Variants in FMN1 observed in about 807,000 individuals in gnomAD.
The protein encoded by FMN1 is formin-1.
FMN1 carries 110 observed loss-of-function variants against 132.4 expected under a neutral mutation model. That is an observed-to-expected ratio of 0.83 (90% CI 0.71 to 0.97). The LOEUF (loss-of-function observed/expected upper bound fraction) is 0.97, where lower values mean the gene tolerates loss of function less well. FMN1 is among the 50% of genes least tolerant of loss of function. FMN1 has a pLI of 0.00. For missense variants in FMN1, 1,792 were observed against 1,705.3 expected (o/e 1.05, Z -0.90); for synonymous variants, 722 against 651.7 (o/e 1.11, Z -1.64).
chr15:32,801,312 C>T (rs2057469020), intron 18 of FMN1, among the ~76,000 whole-genome samples: 1 of 149,648 alleles, frequency 6.7e-6, no homozygotes, highest in African/African-American at 2.4e-5. Flanking sequence ...GGGGGAGAAA[C>T]ACTAAAAAAA....
chr15:32,800,781 A>T (rs889201601), intron 18 of FMN1, among the ~76,000 whole-genome samples: 11 of 152,216 alleles, frequency 7.2e-5, no homozygotes, highest in Admixed American at 6.5e-4. Flanking sequence ...TCTGTTGCTC[A>T]TGCTCAATAA....
At chr15:32,993,184 C>G (rs2033547983) in intron 7 of FMN1, among the ~76,000 whole-genome samples, 1 of 152,120 alleles carries the variant, frequency 6.6e-6, no homozygotes, top group Non-Finnish European at 1.5e-5. Context: ...AATACACATT[C>G]ACTTCCTTGC....
chr15:32,984,866 T>G (rs2032953277), intron 7 of FMN1, among the ~76,000 whole-genome samples: 1 of 151,884 alleles, frequency 6.6e-6, no homozygotes, highest in Non-Finnish European at 1.5e-5. Flanking sequence ...GAAGTTTTGT[T>G]GACATTTTTT....
chr15:33,179,170 T>A (rs1350912775), intron 3 of FMN1, among the ~76,000 whole-genome samples: 1 of 151,992 alleles, frequency 6.6e-6, no homozygotes, highest in African/African-American at 2.4e-5. Context: ...GAGAAAAATA[T>A]GAAAAGTATA....
At chr15:33,054,384 T>C (rs759065277) in intron 6 of FMN1, among the ~76,000 whole-genome samples, 6 of 152,172 alleles carry the variant, frequency 3.9e-5, no homozygotes, top group Admixed American at 3.9e-4. Flanking sequence ...ATCTAAATAT[T>C]CTTATATTTA....
At chr15:33,033,062 G>A (rs1221270212) in intron 6 of FMN1, among the ~76,000 whole-genome samples, 4 of 152,000 alleles carry the variant, frequency 2.6e-5, no homozygotes, top group Non-Finnish European at 5.9e-5. Flanking sequence ...ATGGAGTCTC[G>A]CTCTGTCGCC....
In FMN1 at chr15:33,088,744, T is replaced by C. The variant is rs2038795055; in HGVS notation, c.2043+55A>G. The stretch of plus-strand genomic sequence containing the variant: ...CAATTTACATTAAATACATATTAAA[T>C]GAGCCTCTGTTGACCACAAAGAACC... On this transcript the variant is annotated intron_variant, in intron 5 of 20. Transcript: ENST00000616417. 2.9e-6 allele frequency: 4 copies of C among 1,397,756 alleles called. No individual in the cohort carries two copies. In the East Asian group the frequency reaches 1.0e-4, roughly 35 times the overall value. The allele number at this position is 1,397,756 out of a possible 1,614,324, so 86.6% of individuals were successfully genotyped here.
intron 17 of FMN1, among the ~76,000 whole-genome samples, chr15:32,849,665 TTTA>T (rs1427543814): frequency 6.8e-6 from 1 of 146,572 alleles, no homozygotes; most frequent in Non-Finnish European, 1.5e-5. Context: ...CTTTCTTTTC[TTTA>T]TTTTTTTTTT....
intron 6 of FMN1, among the ~76,000 whole-genome samples, chr15:33,035,015 CA>C (rs2036122875): frequency 6.6e-6 from 1 of 152,182 alleles, no homozygotes; most frequent in African/African-American, 2.4e-5. Context: ...TGACAGATGG[CA>C]AAACCTACGG....
chr15:33,132,688 C>A (rs1329515147), intron 4 of FMN1, among the ~76,000 whole-genome samples: 2 of 152,186 alleles, frequency 1.3e-5, no homozygotes, highest in East Asian at 3.9e-4. Context: ...AGACATAAAC[C>A]TAAAAGAACT....
chr15:33,097,316 A>G (rs78246213), intron 4 of FMN1, among the ~76,000 whole-genome samples: 87 of 147,314 alleles, frequency 5.9e-4, no homozygotes, highest in Admixed American at 3.0e-3. Context: ...AAAAAAAAAA[A>G]AGAGAGAGAG....
At chr15:32,997,979 C>G (rs1262090923) in intron 7 of FMN1, among the ~76,000 whole-genome samples, 1 of 152,184 alleles carries the variant, frequency 6.6e-6, no homozygotes, top group Non-Finnish European at 1.5e-5. Flanking sequence ...GTTACTCAGC[C>G]TCTTTATCCT....
chr15:32,924,541 C>T (rs1471824531), intron 10 of FMN1, among the ~76,000 whole-genome samples: 1 of 152,170 alleles, frequency 6.6e-6, no homozygotes, highest in Non-Finnish European at 1.5e-5. Context: ...CAGATGTTTC[C>T]ACTGTGAAAC....
rs557348499 is a variant in FMN1, at chr15:33,114,307, T to A, written c.1868-25333A>T. Among the ~76,000 whole-genome samples the A allele has an allele frequency of 6.6e-5, 10 of 152,338 alleles. No individual in the cohort carries two copies. In the South Asian group the frequency reaches 2.1e-3, roughly 32 times the overall value. On this transcript the variant is annotated intron_variant, in intron 4 of 20. Transcript: ENST00000616417. ...CAGCTCAGGACTCTAAAGTATAGCATCCTAAAAGCCTAACTTCTGGACAGT... is the reference window on the plus strand; with the variant it reads ...CAGCTCAGGACTCTAAAGTATAGCAACCTAAAAGCCTAACTTCTGGACAGT...
chr15:33,014,137 C>A (rs187170037), intron 6 of FMN1, among the ~76,000 whole-genome samples: 19 of 152,306 alleles, frequency 1.2e-4, no homozygotes, highest in Admixed American at 5.9e-4. Context: ...GAAGCTAATG[C>A]CTTTACTACT....
At chr15:32,810,939 G>C (rs1408838517) in intron 17 of FMN1, 2 of 455,864 alleles carry the variant, frequency 4.4e-6, no homozygotes, top group Non-Finnish European at 8.8e-6. Context: ...TGGGAGCCGG[G>C]TGATGCTAAC....
chr15:33,189,683 A>G (rs1966007647), intron 2 of FMN1, among the ~76,000 whole-genome samples: 1 of 152,156 alleles, frequency 6.6e-6, no homozygotes, highest in South Asian at 2.1e-4. Flanking sequence ...AAACACATTA[A>G]TCTCTATGAT....
chr15:32,906,939 T>C (rs572331476), intron 12 of FMN1, among the ~76,000 whole-genome samples: 3 of 152,290 alleles, frequency 2.0e-5, no homozygotes, highest in East Asian at 3.9e-4. Flanking sequence ...AACCATCATG[T>C]AGGTTTGTCG....
At chr15:32,806,951 C>A (rs895244541) in intron 17 of FMN1, among the ~76,000 whole-genome samples, 4 of 152,186 alleles carry the variant, frequency 2.6e-5, no homozygotes, top group Non-Finnish European at 5.9e-5. Flanking sequence ...CAGACTATTC[C>A]TTTCCTCATG....
Sources: allele counts gnomAD v4.1 joint callset (sites outside exome capture counted in the v4.1 genomes callset), GRCh38; gene constraint gnomAD v4.1.1; transcripts MANE v1.5; gene names NCBI Gene and HGNC (gene_info 2026-07-23, HGNC 2026-07-21).